Variants in RPS6KC1 observed in about 807,000 individuals in gnomAD.
RPS6KC1 encodes the protein inactive ribosomal protein S6 kinase delta-1.
In RPS6KC1, 54 loss-of-function variants were observed where a neutral mutation model predicts 103.8. The ratio of observed to expected loss-of-function variants is 0.52; its 90% CI spans 0.42 to 0.65. RPS6KC1 has a LOEUF of 0.65. RPS6KC1 is among the 30% of genes least tolerant of loss of function. The pLI, the probability that RPS6KC1 is intolerant of heterozygous loss-of-function variation, is 0.00. For synonymous variants in RPS6KC1, 439 were observed against 438.7 expected, an observed-to-expected ratio of 1.00 and a Z score of -0.01; for missense variants, 1,151 against 1,253.8, an observed-to-expected ratio of 0.92 and a Z score of 1.24.
At chr1:213,550,715 G>C in the RPS6KC1 span, among the ~76,000 whole-genome samples, 1 of 152,160 alleles carries the variant, frequency 6.6e-6, no homozygotes, top group Admixed American at 6.5e-5. Flanking sequence ...ATCTATCTCT[G>C]TAAATCTCAT....
chr1:213,359,655 T>C, the RPS6KC1 span, among the ~76,000 whole-genome samples: 1 of 50,094 alleles, frequency 2.0e-5, no homozygotes, highest in African/African-American at 8.9e-5. Context: ...CTAGCATCGA[T>C]GGTCTTTACA....
At chr1:213,733,332 C>T in the RPS6KC1 span, among the ~76,000 whole-genome samples, 2 of 151,868 alleles carry the variant, frequency 1.3e-5, no homozygotes, top group African/African-American at 2.4e-5. Flanking sequence ...CTTGACCTCC[C>T]GGGCTCAAGT....
chr1:213,287,335 C>T, the RPS6KC1 span, among the ~76,000 whole-genome samples: 4 of 151,934 alleles, frequency 2.6e-5, no homozygotes, highest in East Asian at 1.9e-4. Context: ...ATTTACCAGA[C>T]GTCATTTCTA....
chr1:213,765,070 C>T, the RPS6KC1 span, among the ~76,000 whole-genome samples: 1 of 152,220 alleles, frequency 6.6e-6, no homozygotes, highest in East Asian at 1.9e-4. Context: ...ACCCTCTCCA[C>T]AGCCACCGAG....
At chr1:213,414,837 T>A in the RPS6KC1 span, among the ~76,000 whole-genome samples, 1 of 152,120 alleles carries the variant, frequency 6.6e-6, no homozygotes, top group African/African-American at 2.4e-5. Flanking sequence ...GCAGAGGTGG[T>A]CTTTTCCATA....
chr1:213,481,410 A>G, the RPS6KC1 span, among the ~76,000 whole-genome samples: 1 of 152,238 alleles, frequency 6.6e-6, no homozygotes, highest in Non-Finnish European at 1.5e-5. Context: ...GTCCTTCTCA[A>G]ACACAAATTT....
chr1:213,720,158 G>T, the RPS6KC1 span, among the ~76,000 whole-genome samples: 11,959 of 152,252 alleles, frequency 0.079, 614 homozygotes, highest in Middle Eastern at 0.19. Flanking sequence ...AAAGTCACAT[G>T]AAATCACCAG....
the RPS6KC1 span, among the ~76,000 whole-genome samples, chr1:213,651,042 C>T: frequency 1.3e-5 from 2 of 151,794 alleles, no homozygotes; most frequent in Admixed American, 6.6e-5. Context: ...GCTGAATCGC[C>T]CTCCTAGGGA....
At chr1:213,735,701 C>G in the RPS6KC1 span, among the ~76,000 whole-genome samples, 1 of 151,916 alleles carries the variant, frequency 6.6e-6, no homozygotes, top group Non-Finnish European at 1.5e-5. Flanking sequence ...AAGGGAGAAA[C>G]AGAAGGAAGA....
chr1:213,732,024 A>G, the RPS6KC1 span, among the ~76,000 whole-genome samples: 1 of 152,214 alleles, frequency 6.6e-6, no homozygotes, highest in South Asian at 2.1e-4. Flanking sequence ...GCAAGATGTC[A>G]ATACTGGTTG....
the RPS6KC1 span, among the ~76,000 whole-genome samples, chr1:213,337,502 T>A: frequency 6.6e-6 from 1 of 152,296 alleles, no homozygotes; most frequent in Admixed American, 6.5e-5. Context: ...TCCACTCTGT[T>A]TGCTTCTGGA....
chr1:213,472,211 C>T, the RPS6KC1 span, among the ~76,000 whole-genome samples: 1 of 152,106 alleles, frequency 6.6e-6, no homozygotes, highest in Non-Finnish European at 1.5e-5. Context: ...CAGAGGGAGA[C>T]ACAATGGAAA....
At chr1:213,219,750 A>G (rs1400204790) in intron 8 of RPS6KC1, among the ~76,000 whole-genome samples, 3 of 151,684 alleles carry the variant, frequency 2.0e-5, no homozygotes, top group Non-Finnish European at 2.9e-5. Flanking sequence ...TCAGCAAACT[A>G]TTGCAACGAC....
rs754464543 is a variant in RPS6KC1, at chr1:213,160,106, AT to A, written c.836-7749del. Among the ~76,000 whole-genome samples, 18 of 152,274 alleles carry A rather than the reference AT, an allele frequency of 1.2e-4. 1 individual carries two copies. In the East Asian group the frequency reaches 3.5e-3, roughly 29 times the overall value. On this transcript the variant is annotated intron_variant, in intron 6 of 14. Transcript: ENST00000366960. ...ATGTGTAAATTACACAGTTCAGCTT[AT>A]TTGTTCTCTCTTATGAAGTATTAAA...
In RPS6KC1 at chr1:213,126,032, C is replaced by T. The variant is rs74140566; in HGVS notation, c.473-3495C>T. Among the ~76,000 whole-genome samples the T allele has an allele frequency of 2.5e-3, 384 of 152,152 alleles. 2 individuals carry two copies. Among genetic ancestry groups the T allele is most frequent in the African/African-American group, 8.5e-3 (352 of 41,534 alleles). On this transcript the variant is annotated intron_variant, in intron 5 of 14. Transcript: ENST00000366960. ...TAGTGACAAGATACCAGAGAACAGA[C>T]AAAAGAGATCTCTAATACAGCATTT...
At chr1:213,746,110 C>G in the RPS6KC1 span, among the ~76,000 whole-genome samples, 27 of 152,264 alleles carry the variant, frequency 1.8e-4, no homozygotes, top group East Asian at 2.5e-3. Context: ...AGCTTATATT[C>G]TAGTGAGAGA....
At chr1:213,745,524 T>C in the RPS6KC1 span, among the ~76,000 whole-genome samples, 1 of 151,440 alleles carries the variant, frequency 6.6e-6, no homozygotes, top group East Asian at 1.9e-4. Context: ...GTGAACGCAG[T>C]GGATTTGGAT....
chr1:213,250,090 G>A (rs1434705266), intron 12 of RPS6KC1, among the ~76,000 whole-genome samples: 1 of 152,116 alleles, frequency 6.6e-6, no homozygotes, highest in Non-Finnish European at 1.5e-5. Flanking sequence ...GCAGGCCCAG[G>A]GATTCAGGTA....
intron 1 of RPS6KC1, among the ~76,000 whole-genome samples, chr1:213,061,201 T>A (rs183708013): frequency 6.6e-6 from 1 of 152,334 alleles, no homozygotes; most frequent in Admixed American, 6.5e-5. Context: ...TGAAATTCAA[T>A]ATGAATTTTA....
Sources: allele counts gnomAD v4.1 joint callset (sites outside exome capture counted in the v4.1 genomes callset), GRCh38; gene constraint gnomAD v4.1.1; transcripts MANE v1.5; gene names NCBI Gene and HGNC (gene_info 2026-07-23, HGNC 2026-07-21).